AUTS2: variants seen among roughly 807,000 people sequenced by gnomAD.
AUTS2 encodes activator of transcription and developmental regulator AUTS2.
A neutral mutation model predicts 112.4 loss-of-function variants in AUTS2; 17 were observed. The ratio of observed to expected loss-of-function variants is 0.15; its 90% confidence interval spans 0.10 to 0.23. The LOEUF is 0.23. Ranked by LOEUF, AUTS2 falls within the 10% of genes least tolerant of loss-of-function variation. AUTS2 has a pLI of 1.00. For missense variants in AUTS2, 1,510 were observed against 1,701.6 expected, an observed-to-expected ratio of 0.89 and a Z score of 1.98; for synonymous variants, 751 against 702.7, an observed-to-expected ratio of 1.07 and a Z score of -1.09.
chr7:70,747,800 C>CTTTAT (rs61458073), intron 6 of AUTS2, among the ~76,000 whole-genome samples: 47,015 of 146,102 alleles, frequency 0.32, 9,540 homozygotes, highest in East Asian at 0.73. Flanking sequence ...GAGCTCATTT[C>CTTTAT]TTTATTTTAT....
At chr7:69,894,219 T>G (rs1036514470) in intron 1 of AUTS2, among the ~76,000 whole-genome samples, 3 of 151,378 alleles carry the variant, frequency 2.0e-5, no homozygotes, top group South Asian at 2.1e-4. Context: ...CTTTCCTGCT[T>G]CTTCTATGAC....
At chr7:70,408,793 G>A (rs544439796) in intron 4 of AUTS2, among the ~76,000 whole-genome samples, 26 of 152,222 alleles carry the variant, frequency 1.7e-4, no homozygotes, top group Non-Finnish European at 3.7e-4. Flanking sequence ...ACCTTGCTGT[G>A]GGCTTCCTTT....
At position 70,789,891 on chromosome 7, in the gene AUTS2, A is replaced by G; in HGVS notation, c.2675A>G (p.Glu892Gly). ...TEAREKDKPKERERDHSESRK... is the reference protein window; with the variant it reads ...TEAREKDKPKGRERDHSESRK... Reference sequence around the variant, plus strand: ...GCTCGGGAGAAGGACAAACCCAAAGAGAGGGAGAGAGACCACTCGGAATCC... The same window carrying G: ...GCTCGGGAGAAGGACAAACCCAAAGGGAGGGAGAGAGACCACTCGGAATCC... Residue 892 changes from glutamate (E) to glycine (G), a missense_variant, in exon 19 of 19, where the codon GAG (glutamate) becomes GGG (glycine). Glu to Gly is a moderately conservative substitution (Grantham distance 98). This residue lies in a region of AUTS2 where 788 missense variants were observed against 797.6 expected (regional missense o/e 0.99). Coordinates refer to ENST00000342771, the MANE Select transcript of AUTS2 (RefSeq NM_015570.4). 6.2e-7 allele frequency: 1 copy of G among 1,614,054 alleles called. No homozygotes were observed. Among genetic ancestry groups the G allele is most frequent in the Non-Finnish European group, 8.5e-7 (1 of 1,180,020 alleles).
At chr7:70,684,411 A>G (rs1313849103) in intron 5 of AUTS2, among the ~76,000 whole-genome samples, 1 of 152,134 alleles carries the variant, frequency 6.6e-6, no homozygotes. Flanking sequence ...TCAGATCTTA[A>G]AACCTCTCTA....
intron 4 of AUTS2, among the ~76,000 whole-genome samples, chr7:70,236,759 G>T (rs919763385): frequency 3.3e-5 from 5 of 152,060 alleles, no homozygotes; most frequent in Admixed American, 2.0e-4. Context: ...TCCACTCCTC[G>T]TTGTTATTTT....
chr7:69,665,506 T>C (rs1326337884), intron 1 of AUTS2, among the ~76,000 whole-genome samples: 1 of 152,168 alleles, frequency 6.6e-6, no homozygotes, highest in Non-Finnish European at 1.5e-5. Context: ...CAGAAGTATA[T>C]TGGCCTTGCA....
intron 4 of AUTS2, among the ~76,000 whole-genome samples, chr7:70,332,051 A>T (rs1208243901): frequency 6.6e-6 from 1 of 152,196 alleles, no homozygotes; most frequent in African/African-American, 2.4e-5. Flanking sequence ...ATGATTGTAT[A>T]TTTAGAAAAC....
At chr7:70,745,120 A>C (rs1340307348) in intron 6 of AUTS2, among the ~76,000 whole-genome samples, 1 of 152,016 alleles carries the variant, frequency 6.6e-6, no homozygotes, top group Non-Finnish European at 1.5e-5. Context: ...GTATTGTATC[A>C]TCTCCCAGTT....
At chr7:70,603,984 G>A (rs552041553) in intron 5 of AUTS2, among the ~76,000 whole-genome samples, 1 of 152,202 alleles carries the variant, frequency 6.6e-6, no homozygotes, top group South Asian at 2.1e-4. Flanking sequence ...TTTTGTCTGG[G>A]TTTAAACCCG....
intron 6 of AUTS2, among the ~76,000 whole-genome samples, chr7:70,705,470 A>G (rs1386990433): frequency 6.6e-6 from 1 of 152,196 alleles, no homozygotes; most frequent in Non-Finnish European, 1.5e-5. Flanking sequence ...GCTGTCTTTT[A>G]TTTAGCCCGG....
intron 1 of AUTS2, among the ~76,000 whole-genome samples, chr7:69,636,775 T>G (rs1227632183): frequency 6.6e-6 from 1 of 151,046 alleles, no homozygotes; most frequent in East Asian, 2.0e-4. Flanking sequence ...TCCTACAACA[T>G]TTTTTTTTGA....
intron 4 of AUTS2, chr7:70,291,394 A>T (rs1788701742): frequency 6.6e-6 from 1 of 152,210 alleles, no homozygotes; most frequent in South Asian, 2.1e-4. Flanking sequence ...CAACTTTGTA[A>T]ATCACCCATC....
intron 6 of AUTS2, among the ~76,000 whole-genome samples, chr7:70,748,270 C>T (rs955468432): frequency 4.6e-5 from 7 of 152,130 alleles, no homozygotes; most frequent in Middle Eastern, 3.4e-3. Flanking sequence ...TAATGGCAAG[C>T]GATGAAATAA....
intron 5 of AUTS2, among the ~76,000 whole-genome samples, chr7:70,505,871 G>A (rs1203436734): frequency 6.6e-6 from 1 of 152,194 alleles, no homozygotes; most frequent in Non-Finnish European, 1.5e-5. Context: ...GACCAAAGTG[G>A]CACTTGCCTT....
chr7:69,784,944 G>A (rs1256900711), intron 1 of AUTS2, among the ~76,000 whole-genome samples: 2 of 151,974 alleles, frequency 1.3e-5, no homozygotes, highest in African/African-American at 2.4e-5. Context: ...CCTTGCTGTC[G>A]TGAACCTTAT....
At chr7:69,723,072 G>T (rs1799049698) in intron 1 of AUTS2, among the ~76,000 whole-genome samples, 1 of 152,126 alleles carries the variant, frequency 6.6e-6, no homozygotes, top group Non-Finnish European at 1.5e-5. Flanking sequence ...ACGTGCAGCT[G>T]CATATTAACC....
At chr7:70,196,226 G>A (rs1212082623) in intron 4 of AUTS2, among the ~76,000 whole-genome samples, 1 of 152,180 alleles carries the variant, frequency 6.6e-6, no homozygotes, top group Non-Finnish European at 1.5e-5. Flanking sequence ...GTGGTGTTTA[G>A]GCAGACTGTG....
chr7:69,942,354 T>G (rs1488157964), intron 2 of AUTS2, among the ~76,000 whole-genome samples: 1 of 152,236 alleles, frequency 6.6e-6, no homozygotes, highest in Non-Finnish European at 1.5e-5. Flanking sequence ...AGGCTTGGTA[T>G]GCTACCATTT....
intron 4 of AUTS2, among the ~76,000 whole-genome samples, chr7:70,311,858 A>G (rs1789769447): frequency 6.6e-6 from 1 of 152,190 alleles, no homozygotes; most frequent in Non-Finnish European, 1.5e-5. Context: ...CTGGGACTAC[A>G]GCACCCACCA....
Sources: gnomAD v4.1 joint callset for allele counts (sites outside exome capture counted in the v4.1 genomes callset) on GRCh38, gnomAD v4.1.1 for gene constraint, gnomAD v4.1.1 regional missense constraint, MANE v1.5 for transcripts, NCBI Gene and HGNC (gene_info 2026-07-23, HGNC 2026-07-21) for gene names.